The following FAF2 variants were observed in gnomAD, a reference collection of about 807,000 sequenced individuals.
The protein encoded by FAF2 is FAS-associated factor 2.
In FAF2, 9 loss-of-function variants were observed where a neutral mutation model predicts 62.3. The ratio of observed to expected loss-of-function variants is 0.14; its 90% CI spans 0.09 to 0.25. The LOEUF is 0.25. Ranked by LOEUF, FAF2 falls within the 10% of genes least tolerant of loss-of-function variation. The pLI is 1.00. For synonymous variants in FAF2, 202 were observed against 198.0 expected (o/e 1.02, Z -0.17); for missense variants, 368 against 556.2 (o/e 0.66, Z 3.40).
intron 1 of FAF2, among the ~76,000 whole-genome samples, chr5:176,471,929 C>G (rs1758577941): frequency 6.6e-6 from 1 of 152,060 alleles, no homozygotes; most frequent in South Asian, 2.1e-4. Flanking sequence ...ATTCGCCCCC[C>G]TCGGTCTCCC....
chr5:176,500,188 G>A, intron 10 of FAF2, 42 bp downstream of exon 10: 1 of 1,598,030 alleles, frequency 6.3e-7, no homozygotes, highest in East Asian at 2.2e-5. Flanking sequence ...GTAGCATCTG[G>A]GCTATAGATT....
At chr5:176,461,179 A>G (rs765841966) in intron 1 of FAF2, among the ~76,000 whole-genome samples, 5 of 151,720 alleles carry the variant, frequency 3.3e-5, no homozygotes, top group Non-Finnish European at 5.9e-5. Context: ...ATGCCCAGCT[A>G]ATTTTTGTAT....
At position 176,509,454 on chromosome 5, in the gene FAF2, A is replaced by G. The variant is rs987429067; in HGVS notation, c.*2504A>G. ...GTTGTTTCCAAATGGCAAATCATCA[A>G]CTAAAAGCACTTGTTTCAAGTTTTG... On this transcript the variant is annotated 3_prime_UTR_variant, in exon 11 of 11. Coordinates refer to ENST00000261942, the MANE Select transcript of FAF2 (RefSeq NM_014613.3). 4.6e-5 allele frequency: 7 copies of G among 152,254 alleles called. No homozygotes were observed. Among genetic ancestry groups the G allele is most frequent in the African/African-American group, 1.7e-4 (7 of 41,446 alleles). The allele number at this position is 152,254 out of a possible 1,614,324, so 9.4% of individuals were successfully genotyped here. A position where few individuals can be genotyped will look rare whatever the true frequency, so the allele number is the denominator to read the frequency against.
At chr5:176,500,256 G>C in intron 10 of FAF2, 110 bp downstream of exon 10, 1 of 1,105,502 alleles carries the variant, frequency 9.0e-7, no homozygotes, top group Middle Eastern at 2.1e-4. Context: ...CTGATGAACA[G>C]GGAACAGAGA....
chr5:176,504,316 G>A (rs900228081), intron 10 of FAF2, among the ~76,000 whole-genome samples: 6 of 152,084 alleles, frequency 3.9e-5, no homozygotes, highest in African/African-American at 1.2e-4. Context: ...GGGCTTGGTG[G>A]CTCACGCCCA....
intron 1 of FAF2, 132 bp downstream of exon 1, chr5:176,448,602 C>T: frequency 1.1e-6 from 1 of 873,138 alleles, no homozygotes. Flanking sequence ...CCCCCCCAGA[C>T]TCCAACTGCC....
At chr5:176,467,129 CTTTTTTTT>C (rs374702773) in intron 1 of FAF2, among the ~76,000 whole-genome samples, 2,006 of 94,118 alleles carry the variant, frequency 0.021, 52 homozygotes, top group African/African-American at 0.077. Flanking sequence ...TTTTTTTTTC[CTTTTTTTT>C]TTTTTTTTTT....
intron 1 of FAF2, chr5:176,453,163 C>T (rs926719480): frequency 2.6e-5 from 4 of 152,094 alleles, no homozygotes; most frequent in Admixed American, 1.3e-4. Context: ...CTATTGCAGA[C>T]AATTGTTTTC....
chr5:176,470,445 C>T (rs1304199206), intron 1 of FAF2, among the ~76,000 whole-genome samples: 1 of 152,232 alleles, frequency 6.6e-6, no homozygotes, highest in African/African-American at 2.4e-5. Flanking sequence ...GGCGTGGTGG[C>T]GCATGCCTGT....
At chr5:176,490,391 A>T (rs1328079581) in intron 4 of FAF2, among the ~76,000 whole-genome samples, 1 of 152,070 alleles carries the variant, frequency 6.6e-6, no homozygotes, top group Non-Finnish European at 1.5e-5. Context: ...TCTGGTCCAG[A>T]GCCATGTCTA....
chr5:176,488,015 G>A lies in FAF2; in HGVS notation c.268-936G>A, dbSNP rs530904459. On this transcript the variant is annotated intron_variant, in intron 3 of 10. Transcript: ENST00000261942. ...CCACCACCGCGTCTGGCTAATTTTT[G>A]TATTTTTAGTAGAGACAGGGTTTCA... is the stretch of plus-strand genomic sequence containing the variant. Among the ~76,000 whole-genome samples, 139 of 152,170 alleles carry A rather than the reference G, an allele frequency of 9.1e-4. 1 individual carries two copies. The highest frequency in any genetic ancestry group is 1.4e-3 in the East Asian group (7 of 5,178).
intron 8 of FAF2, 39 bp downstream of exon 8, chr5:176,496,702 T>C: frequency 1.4e-6 from 2 of 1,442,810 alleles, no homozygotes; most frequent in Non-Finnish European, 9.2e-7. Flanking sequence ...GAGAGACCAG[T>C]TGTAAATTTG....
chr5:176,448,959 A>T (rs1045742852), intron 1 of FAF2, among the ~76,000 whole-genome samples: 2 of 151,930 alleles, frequency 1.3e-5, no homozygotes, highest in Admixed American at 1.3e-4. Flanking sequence ...CCGGTCGGGG[A>T]GGGGGCACCT....
chr5:176,468,454 G>A (rs1758508917), intron 1 of FAF2, among the ~76,000 whole-genome samples: 2 of 152,050 alleles, frequency 1.3e-5, no homozygotes, highest in South Asian at 4.1e-4. Context: ...CGTGGTCGTG[G>A]GCGCCTGCAG....
intron 1 of FAF2, among the ~76,000 whole-genome samples, chr5:176,457,416 C>T (rs1173621457): frequency 6.6e-6 from 1 of 152,094 alleles, no homozygotes; most frequent in Admixed American, 6.6e-5. Context: ...GTCTCGAACT[C>T]TTGACCTCAG....
intron 10 of FAF2, among the ~76,000 whole-genome samples, chr5:176,505,713 G>A (rs1755666802): frequency 6.6e-6 from 1 of 152,136 alleles, no homozygotes; most frequent in Non-Finnish European, 1.5e-5. Flanking sequence ...GACATATAAT[G>A]TTTGATTTTC....
intron 5 of FAF2, among the ~76,000 whole-genome samples, chr5:176,493,434 C>T (rs971653061): frequency 2.6e-5 from 4 of 152,186 alleles, no homozygotes; most frequent in East Asian, 1.9e-4. Context: ...CTCAGGAGCA[C>T]GCACATGCAG....
chr5:176,469,929 A>G (rs1758536174), intron 1 of FAF2, among the ~76,000 whole-genome samples: 1 of 152,156 alleles, frequency 6.6e-6, no homozygotes, highest in African/African-American at 2.4e-5. Context: ...GAAAATAGAG[A>G]AGGCTCCTCA....
chr5:176,478,328 A>G (rs1758736733), intron 1 of FAF2, among the ~76,000 whole-genome samples: 1 of 152,128 alleles, frequency 6.6e-6, no homozygotes, highest in Non-Finnish European at 1.5e-5. Context: ...AACATCCAAA[A>G]TTTAGCTGGG....
Sources: allele counts gnomAD v4.1 joint callset (sites outside exome capture counted in the v4.1 genomes callset), GRCh38; gene constraint gnomAD v4.1.1; transcripts MANE v1.5; gene names NCBI Gene and HGNC (gene_info 2026-07-23, HGNC 2026-07-21).